Variants in ENPP3 observed in about 807,000 individuals in gnomAD.
ENPP3 encodes ectonucleotide pyrophosphatase/phosphodiesterase family member 3.
A neutral mutation model predicts 117.8 loss-of-function variants in ENPP3; 104 were observed. That is an observed-to-expected ratio of 0.88 (90% CI 0.75 to 1.04). The LOEUF is 1.04. Among genes scored for constraint, ENPP3 ranks in the 50% least tolerant of loss-of-function variants. ENPP3 has a pLI of 0.00. For missense variants in ENPP3, 1,026 were observed against 1,051.9 expected (o/e 0.98, Z 0.34); for synonymous variants, 380 against 349.9 (o/e 1.09, Z -0.96).
At position 131,695,321 on chromosome 6, in the gene ENPP3, C is replaced by T. The variant is rs370702777; in HGVS notation, c.1412+1697C>T. 1.6e-4 allele frequency among the ~76,000 whole-genome samples: 24 copies of T among 152,232 alleles called. No individual in the cohort carries two copies. In the Middle Eastern group the frequency reaches 0.014, roughly 86 times the overall value. On this transcript the variant is annotated intron_variant, in intron 15 of 24. Transcript: ENST00000357639. ...GAGAAAGAGCTGTAAAGTGAGAGCT[C>T]GCCCACCCAAATACCTCTGGGTATC...
At chr6:131,718,987 C>T (rs577930990) in intron 16 of ENPP3, among the ~76,000 whole-genome samples, 2 of 151,688 alleles carry the variant, frequency 1.3e-5, no homozygotes, top group Non-Finnish European at 1.5e-5. Flanking sequence ...CCTGCCCTCA[C>T]GAAGCTTTTA....
At chr6:131,719,288 T>C (rs1275251282) in intron 16 of ENPP3, among the ~76,000 whole-genome samples, 2 of 151,478 alleles carry the variant, frequency 1.3e-5, no homozygotes, top group East Asian at 3.9e-4. Context: ...AGGGCCAAAA[T>C]TGGGAGTGTG....
At chr6:131,715,893 A>G (rs1585708201) in intron 15 of ENPP3, among the ~76,000 whole-genome samples, 1 of 152,096 alleles carries the variant, frequency 6.6e-6, no homozygotes, top group African/African-American at 2.4e-5. Flanking sequence ...GTATATACCC[A>G]GCCCCACTGG....
At chr6:131,726,779 C>T (rs932765228) in intron 20 of ENPP3, among the ~76,000 whole-genome samples, 3 of 152,186 alleles carry the variant, frequency 2.0e-5, no homozygotes, top group Non-Finnish European at 4.4e-5. Flanking sequence ...CCCCTTCCCT[C>T]TTCACTGTCT....
In ENPP3 at chr6:131,701,947, A is replaced by C. The variant is rs1349585305; in HGVS notation, c.1412+8323A>C. Among the ~76,000 whole-genome samples, 6 of 151,612 alleles carry C rather than the reference A, an allele frequency of 4.0e-5. No homozygotes were observed. The South Asian group carries it at 1.0e-3, about 26-fold the overall frequency. ...ACACGTATACATAGGTTTCTTTTTT[A>C]TTACGTTAATTTTTTAATAAAGGCT... On this transcript the variant is annotated intron_variant, in intron 15 of 24. Transcript: ENST00000357639.
chr6:131,666,652 A>G (rs1778622513), intron 6 of ENPP3, among the ~76,000 whole-genome samples: 1 of 152,124 alleles, frequency 6.6e-6, no homozygotes, highest in South Asian at 2.1e-4. Context: ...CATCACCTCA[A>G]CGAGCATCTT....
intron 15 of ENPP3, among the ~76,000 whole-genome samples, chr6:131,711,872 TATC>T (rs1779798306): frequency 1.6e-5 from 2 of 123,552 alleles, no homozygotes; most frequent in Non-Finnish European, 3.1e-5. Context: ...AGTCAATTGG[TATC>T]ATCTTTATTC....
chr6:131,663,902 T>A (rs1010015759), intron 6 of ENPP3, among the ~76,000 whole-genome samples: 4 of 152,188 alleles, frequency 2.6e-5, no homozygotes, highest in African/African-American at 7.2e-5. Flanking sequence ...TACTATACTA[T>A]ACTCTTTTCA....
At chr6:131,682,023 G>A (rs376010440) in intron 11 of ENPP3, among the ~76,000 whole-genome samples, 1 of 151,990 alleles carries the variant, frequency 6.6e-6, no homozygotes, top group African/African-American at 2.4e-5. Context: ...AGTAGAGATG[G>A]GGTTTCACCA....
At chr6:131,677,804 C>G (rs775342977) in intron 10 of ENPP3, 64 bp from the exon 11 acceptor site, 1 of 1,076,760 alleles carries the variant, frequency 9.3e-7, no homozygotes, top group Non-Finnish European at 1.4e-6. Flanking sequence ...TACAAAATCC[C>G]CCAATCCAGC....
At chr6:131,746,692 T>C in intron 24 of ENPP3, 94 bp from the exon 25 acceptor site, 1 of 1,107,484 alleles carries the variant, frequency 9.0e-7, no homozygotes, top group Non-Finnish European at 1.3e-6. Flanking sequence ...GTAAAAATCA[T>C]CGGCAAAAAG....
In ENPP3 at chr6:131,650,135, C is replaced by A. The variant is rs760865280; in HGVS notation, c.263C>A (p.Thr88Asn). 13 of 1,613,856 alleles carry A rather than the reference C, an allele frequency of 8.1e-6. No individual in the cohort carries two copies. Among genetic ancestry groups the A allele is most frequent in the African/African-American group, 1.3e-5 (1 of 74,904 alleles). ...GATTGCTGCTGGGATTTTGAAGACACCTGTGTGGAATCAAGTATGAGTTCT... is the reference window on the plus strand; with the variant it reads ...GATTGCTGCTGGGATTTTGAAGACAACTGTGTGGAATCAAGTATGAGTTCT... ...RGDCCWDFED[T>N]CVESTRIWMC... The change falls in exon 3 of 25, where the codon ACC becomes AAC. Residue 88 changes from threonine to asparagine, a missense_variant. By Grantham distance (65) the Thr-to-Asn change is moderately conservative (BLOSUM62 0). Coordinates refer to ENST00000357639, the MANE Select transcript of ENPP3 (RefSeq NM_005021.5).
At chr6:131,653,367 C>T (rs1262734868) in intron 5 of ENPP3, among the ~76,000 whole-genome samples, 1 of 147,310 alleles carries the variant, frequency 6.8e-6, no homozygotes, top group African/African-American at 2.5e-5. Context: ...AGGCTGCTCT[C>T]AAACTCTTGA....
At position 131,694,605 on chromosome 6, in the gene ENPP3, C is replaced by A. The variant is rs147694332; in HGVS notation, c.1412+981C>A. On this transcript the variant is annotated intron_variant, in intron 15 of 24. Coordinates refer to ENST00000357639, the MANE Select transcript of ENPP3 (RefSeq NM_005021.5). ...GAGATGACACTTTGGGAGGCCAATG[C>A]GGGCAGGTCACTTGAGGCCAGGAGT... is the stretch of plus-strand genomic sequence containing the variant. Among the ~76,000 whole-genome samples the A allele has an allele frequency of 3.1e-3, 478 of 151,938 alleles. 3 individuals are homozygous for A. The highest frequency in any genetic ancestry group is 0.011 in the African/African-American group (436 of 41,446).
intron 11 of ENPP3, among the ~76,000 whole-genome samples, chr6:131,679,509 C>CTTTT (rs57631097): frequency 2.3e-5 from 3 of 132,230 alleles, no homozygotes; most frequent in Admixed American, 7.7e-5. Flanking sequence ...GTACCATGTC[C>CTTTT]TTTTTTTTTT....
chr6:131,654,147 T>G (rs1461793757), intron 5 of ENPP3, among the ~76,000 whole-genome samples: 1 of 146,144 alleles, frequency 6.8e-6, no homozygotes, highest in Non-Finnish European at 1.5e-5. Flanking sequence ...TTATTATTAT[T>G]ACGAGATAGG....
intron 15 of ENPP3, chr6:131,710,184 A>G (rs1411854061): frequency 1.2e-6 from 2 of 1,612,112 alleles, no homozygotes; most frequent in African/African-American, 2.7e-5. Flanking sequence ...CAGCAGCCTG[A>G]TCTTTCATCA....
intron 6 of ENPP3, among the ~76,000 whole-genome samples, chr6:131,669,757 A>G (rs1778701113): frequency 6.6e-6 from 1 of 150,698 alleles, no homozygotes; most frequent in South Asian, 2.1e-4. Flanking sequence ...AGAGAATCCT[A>G]TGTAGTGGAC....
At position 131,685,289 on chromosome 6, in the gene ENPP3, T is replaced by C. The variant is rs1390236759; in HGVS notation, c.1121-75T>C. 4 of 1,266,200 alleles carry C rather than the reference T, an allele frequency of 3.2e-6. No individual in the cohort carries two copies. The Admixed American group carries it at 8.1e-5, about 26-fold the overall frequency. The allele number at this position is 1,266,200 out of a possible 1,614,324, so 78.4% of individuals were successfully genotyped here. ...GAGATCTGTAACATAAAATGTCTTC[T>C]ATTTGACAAGACAGAAATCAACCGT... On this transcript the variant is annotated intron_variant, in intron 12 of 24. Transcript: ENST00000357639.
Sources: gnomAD v4.1 joint callset for allele counts (sites outside exome capture counted in the v4.1 genomes callset) on GRCh38, gnomAD v4.1.1 for gene constraint, MANE v1.5 for transcripts, NCBI Gene and HGNC (gene_info 2026-07-23, HGNC 2026-07-21) for gene names.